Variants in ABCB10 observed in about 807,000 individuals in gnomAD.
The protein encoded by ABCB10 is ATP binding cassette subfamily B member 10, also known as ATP-binding cassette sub-family B member 10, mitochondrial.
Under a neutral mutation model 65.4 loss-of-function variants are expected in ABCB10, and 54 were observed. The ratio of observed to expected loss-of-function variants is 0.83; its 90% confidence interval spans 0.66 to 1.04. ABCB10 has a LOEUF of 1.04. Among genes scored for constraint, ABCB10 ranks in the 50% least tolerant of loss-of-function variants. The pLI is 0.00. For missense variants in ABCB10, 846 were observed against 976.6 expected, an observed-to-expected ratio of 0.87 and a Z score of 1.78; for synonymous variants, 418 against 406.5, an observed-to-expected ratio of 1.03 and a Z score of -0.34.
intron 10 of ABCB10, among the ~76,000 whole-genome samples, chr1:229,524,068 T>G (rs998220296): frequency 3.3e-5 from 5 of 152,162 alleles, no homozygotes; most frequent in Admixed American, 6.5e-5. Context: ...ATGAAAAGTT[T>G]AGCATAGGAA....
At chr1:229,519,292 C>CA (rs1197543504) in intron 11 of ABCB10, among the ~76,000 whole-genome samples, 2 of 152,178 alleles carry the variant, frequency 1.3e-5, no homozygotes, top group East Asian at 1.9e-4. Context: ...AAAGCTGTTA[C>CA]AAAAAAACCC....
chr1:229,539,669 T>C, intron 5 of ABCB10, 78 bp from the exon 6 acceptor site: 8 of 1,491,506 alleles, frequency 5.4e-6, no homozygotes, highest in Non-Finnish European at 7.2e-6. Flanking sequence ...CGGCCTGTAA[T>C]GTCCCTTTTT....
intron 1 of ABCB10, among the ~76,000 whole-genome samples, chr1:229,552,317 TCCA>T (rs1465142667): frequency 3.3e-5 from 5 of 152,306 alleles, no homozygotes; most frequent in African/African-American, 9.6e-5. Flanking sequence ...CATTTCAGAT[TCCA>T]CCACAAGCCC....
chr1:229,558,346 CG>C lies in ABCB10; in HGVS notation c.306del (p.Cys102TrpfsTer110). 1 of 1,258,954 alleles carries C rather than the reference CG, an allele frequency of 7.9e-7. No homozygotes were observed. The highest frequency in any genetic ancestry group is 1.0e-6 in the Non-Finnish European group (1 of 991,050). The allele number at this position is 1,258,954 out of a possible 1,614,324, so 78.0% of individuals were successfully genotyped here. A position where few individuals can be genotyped will look rare whatever the true frequency, so the allele number is the denominator to read the frequency against. ...GGAGCGCCTGGCCCGGCAAAAGCCCCGCACCTGCAGCTGCCGGGGCCGCGAG... is the reference window on the plus strand; with the variant it reads ...GGAGCGCCTGGCCCGGCAAAAGCCCCCACCTGCAGCTGCCGGGGCCGCGAG... ...LWARGPGSCRCGAFAGPGAPR... is the reference protein window; with the variant it reads ...LWARGPGSCRXGAFAGPGAPR... On this transcript the variant is annotated frameshift_variant, in exon 1 of 13. Coordinates refer to ENST00000344517, the MANE Select transcript of ABCB10 (RefSeq NM_012089.3). LOFTEE classifies it high-confidence loss of function.
chr1:229,547,801 C>T, intron 2 of ABCB10, 100 bp from the exon 3 acceptor site: 3 of 1,128,258 alleles, frequency 2.7e-6, no homozygotes, highest in South Asian at 2.7e-5. Flanking sequence ...GGAGTTGTAA[C>T]CCTCCTGAGC....
rs768439727 is a variant in ABCB10, at chr1:229,547,593, G to C, written c.827C>G (p.Ser276Ter). 3 of 1,614,174 alleles carry C rather than the reference G, an allele frequency of 1.9e-6. No homozygotes were observed. The South Asian group carries it at 3.3e-5, about 18-fold the overall frequency. Residue 276 changes from serine to a stop codon, truncating the protein, a stop_gained, in exon 3 of 13, where the codon TCA becomes TGA. Coordinates refer to ENST00000344517, the MANE Select transcript of ABCB10 (RefSeq NM_012089.3). LOFTEE classifies it high-confidence loss of function. The part of the protein sequence containing the change: ...TRTGELINRL[S>*]SDTALLGRSV... ...GCGCCCCAGGAGTGCAGTGTCTGAT[G>C]AGAGGCGGTTAATCAATTCTCCTGT...
At chr1:229,525,363 T>TTGC (rs913541107) in intron 10 of ABCB10, among the ~76,000 whole-genome samples, 2 of 152,174 alleles carry the variant, frequency 1.3e-5, no homozygotes, top group African/African-American at 4.8e-5. Flanking sequence ...GTTGTTGTTG[T>TTGC]TGTTGTTTTT....
At chr1:229,541,204 T>C (rs1194172236) in intron 4 of ABCB10, among the ~76,000 whole-genome samples, 1 of 152,224 alleles carries the variant, frequency 6.6e-6, no homozygotes, top group East Asian at 1.9e-4. Flanking sequence ...TTTTGTAACA[T>C]GCAAGTATAA....
intron 1 of ABCB10, among the ~76,000 whole-genome samples, chr1:229,555,247 C>G (rs1022005693): frequency 5.9e-5 from 9 of 152,248 alleles, no homozygotes; most frequent in African/African-American, 2.2e-4. Flanking sequence ...AGAGCCTCAT[C>G]TATCTGCCAG....
chr1:229,558,427 C>A lies in ABCB10; in HGVS notation c.226G>T (p.Gly76Cys), dbSNP rs1195423282. Reference sequence around the variant, plus strand: ...AGGACGCCCCGCGAGGCGCCCGGACCCCCGCCCCGGCAGCCGCTCCTCCAG... The same window carrying A: ...AGGACGCCCCGCGAGGCGCCCGGACACCCGCCCCGGCAGCCGCTCCTCCAG... ...RRWRSGCRGG[G>C]PGASRGVLGL... Residue 76 changes from glycine to cysteine, a missense_variant, in exon 1 of 13, where the codon GGT becomes TGT. By Grantham distance (159) the Gly-to-Cys change is radical. Transcript: ENST00000344517. 8.3e-7 allele frequency: 1 copy of A among 1,207,196 alleles called. No individual in the cohort carries two copies. The highest frequency in any genetic ancestry group is 1.0e-6 in the Non-Finnish European group (1 of 975,230). The allele number at this position is 1,207,196 out of a possible 1,614,324, so 74.8% of individuals were successfully genotyped here.
chr1:229,533,412 C>T (rs1379209275), intron 6 of ABCB10, among the ~76,000 whole-genome samples: 1 of 152,178 alleles, frequency 6.6e-6, no homozygotes, highest in African/African-American at 2.4e-5. Context: ...GTGTAAGCCA[C>T]CATGCCTAGC....
chr1:229,529,135 CA>C (rs1405661761), intron 8 of ABCB10, among the ~76,000 whole-genome samples: 5 of 144,276 alleles, frequency 3.5e-5, no homozygotes, highest in Non-Finnish European at 7.6e-5. Flanking sequence ...ACTAAAAATA[CA>C]AAAAAAATTA....
chr1:229,527,248 T>C lies in ABCB10; in HGVS notation c.1706A>G (p.Lys569Arg), dbSNP rs1437009240. The C allele has an allele frequency of 3.1e-6, 5 of 1,613,812 alleles. No individual in the cohort carries two copies. The African/African-American group carries it at 6.7e-5, about 22-fold the overall frequency. ...TCTTACCTGACTCACTGTCCCAATTTTGGATCTCAGCCACACTGGGTTTAG... is the reference window on the plus strand; with the variant it reads ...TCTTACCTGACTCACTGTCCCAATTCTGGATCTCAGCCACACTGGGTTTAG... ...RQLNPVWLRS[K>R]IGTVSQEPIL... The change falls in exon 9 of 13, where the codon AAA (lysine) becomes AGA (arginine). Residue 569 changes from lysine to arginine, a missense_variant. By Grantham distance (26) the Lys-to-Arg change is conservative. This residue lies in a region of ABCB10 where 632 missense variants were observed against 803.2 expected (regional missense o/e 0.79). Coordinates refer to ENST00000344517, the MANE Select transcript of ABCB10 (RefSeq NM_012089.3).
chr1:229,539,586 C>A lies in ABCB10; in HGVS notation c.1209G>T (p.Gly403=). The A allele has an allele frequency of 6.2e-7, 1 of 1,612,556 alleles. No homozygotes were observed. The highest frequency in any genetic ancestry group is 8.5e-7 in the Non-Finnish European group (1 of 1,179,640). ...AAAGCACGATCAGGTTTCCGGAGAG[C>A]CCAGTCTGTCGAATGAAGAAAACAC... ...FARAGFFGAT[G]LSGNLIVLSV... The change falls in exon 6 of 13, where the codon GGG becomes GGT. Residue 403 remains glycine, a synonymous_variant. Coordinates refer to ENST00000344517, the MANE Select transcript of ABCB10 (RefSeq NM_012089.3).
chr1:229,547,913 T>C (rs1028959690), intron 2 of ABCB10, among the ~76,000 whole-genome samples: 4 of 152,140 alleles, frequency 2.6e-5, no homozygotes, highest in African/African-American at 7.2e-5. Context: ...ACACTACTTT[T>C]CTCTTATTAA....
chr1:229,525,865 A>T, intron 10 of ABCB10, 71 bp downstream of exon 10: 1 of 1,520,426 alleles, frequency 6.6e-7, no homozygotes, highest in South Asian at 1.3e-5. Flanking sequence ...CAAACAAACA[A>T]AAAAAACAAG....
chr1:229,527,329 GGAAA>G (rs755604488), intron 8 of ABCB10, 21 bp from the exon 9 acceptor site: 2 of 1,606,756 alleles, frequency 1.2e-6, no homozygotes, highest in Non-Finnish European at 1.7e-6. Flanking sequence ...GGAAAGGAAA[GGAAA>G]GAGTCACTGA....
intron 1 of ABCB10, among the ~76,000 whole-genome samples, chr1:229,554,490 G>A (rs1663195820): frequency 6.6e-6 from 1 of 152,028 alleles, no homozygotes; most frequent in African/African-American, 2.4e-5. Context: ...ACATACGATG[G>A]GAGCCACCTA....
chr1:229,534,908 C>T (rs1485137342), intron 6 of ABCB10, among the ~76,000 whole-genome samples: 3 of 142,000 alleles, frequency 2.1e-5, no homozygotes, highest in Non-Finnish European at 3.1e-5. Context: ...AGCATGGTGG[C>T]GGATGCCTGT....
Sources: gnomAD v4.1 joint callset for allele counts (sites outside exome capture counted in the v4.1 genomes callset) on GRCh38, gnomAD v4.1.1 for gene constraint, gnomAD v4.1.1 regional missense constraint, MANE v1.5 for transcripts, NCBI Gene and HGNC (gene_info 2026-07-23, HGNC 2026-07-21) for gene names.